SLC8A1: variants seen among roughly 807,000 people sequenced by gnomAD.
SLC8A1 encodes solute carrier family 8 member A1, also known as sodium/calcium exchanger 1.
SLC8A1 carries 18 observed loss-of-function variants against 68.3 expected under a neutral mutation model. That is an observed-to-expected ratio of 0.26 (90% CI 0.18 to 0.39). SLC8A1 has a LOEUF of 0.39. Among genes scored for constraint, SLC8A1 ranks in the 10% least tolerant of loss-of-function variants. SLC8A1 has a pLI of 1.00. For missense variants in SLC8A1, 985 were observed against 1,156.7 expected, an observed-to-expected ratio of 0.85 and a Z score of 2.15; for synonymous variants, 475 against 415.5, an observed-to-expected ratio of 1.14 and a Z score of -1.74.
intron 2 of SLC8A1, among the ~76,000 whole-genome samples, chr2:40,331,171 A>G (rs2076368072): frequency 6.6e-6 from 1 of 152,194 alleles, no homozygotes; most frequent in Non-Finnish European, 1.5e-5. Context: ...ATTTATTGAG[A>G]TAATTCAGTA....
At chr2:40,262,785 T>C (rs1330252122) in intron 2 of SLC8A1, among the ~76,000 whole-genome samples, 5 of 152,128 alleles carry the variant, frequency 3.3e-5, no homozygotes, top group African/African-American at 4.8e-5. Context: ...CTAGGCCAGC[T>C]TGCCCTAAAC....
At position 40,212,281 on chromosome 2, in the gene SLC8A1, A is replaced by ATGTTTTTTTTTTTTTT. The variant is rs371395367; in HGVS notation, c.1809-34427_1809-34426insAAAAAAAAAAAAAACA. Reference sequence around the variant, plus strand: ...AGGTGCTAAACAGAAGAGATGCAATATCTTTTTTTTTTTTTTTTTTCCTGA... The same window carrying ATGTTTTTTTTTTTTTT: ...AGGTGCTAAACAGAAGAGATGCAATATGTTTTTTTTTTTTTTTCTTTTTTTTTTTTTTTTTTCCTGA... On this transcript the variant is annotated intron_variant, in intron 2 of 7. Transcript: ENST00000406785. 5.1e-5 allele frequency among the ~76,000 whole-genome samples: 6 copies of ATGTTTTTTTTTTTTTT among 118,210 alleles called. 2 individuals carry two copies. The highest frequency in any genetic ancestry group is 3.1e-5 in the African/African-American group (1 of 32,260). The allele number at this position is 118,210 out of a possible 152,430, so 77.6% of individuals were successfully genotyped here. A position where few individuals can be genotyped will look rare whatever the true frequency, so the allele number is the denominator to read the frequency against.
At chr2:40,362,327 A>T (rs538219115) in intron 2 of SLC8A1, among the ~76,000 whole-genome samples, 3 of 152,122 alleles carry the variant, frequency 2.0e-5, no homozygotes, top group Non-Finnish European at 4.4e-5. Flanking sequence ...GGGACACAAA[A>T]CCAGTGTTAG....
At chr2:40,403,970 A>AGATAAAC (rs1689548400) in intron 2 of SLC8A1, among the ~76,000 whole-genome samples, 1 of 152,180 alleles carries the variant, frequency 6.6e-6, no homozygotes, top group Non-Finnish European at 1.5e-5. Flanking sequence ...GTAACTTTTC[A>AGATAAAC]TTAACTTAGG....
At chr2:40,120,114 T>A (rs1421713549) in intron 7 of SLC8A1, among the ~76,000 whole-genome samples, 1 of 152,232 alleles carries the variant, frequency 6.6e-6, no homozygotes, top group Non-Finnish European at 1.5e-5. Flanking sequence ...CAAAAAAAGG[T>A]CATTCTCACA....
intron 2 of SLC8A1, among the ~76,000 whole-genome samples, chr2:40,368,791 C>T (rs1677071669): frequency 6.6e-6 from 1 of 151,924 alleles, no homozygotes; most frequent in Admixed American, 6.6e-5. Context: ...TCAAACCATA[C>T]TACAGGGTGA....
intron 1 of SLC8A1, among the ~76,000 whole-genome samples, chr2:40,448,404 C>G (rs1240855839): frequency 6.6e-6 from 1 of 152,198 alleles, no homozygotes; most frequent in Non-Finnish European, 1.5e-5. Flanking sequence ...AAGGCAGACG[C>G]TGAAAGCTCA....
intron 2 of SLC8A1, among the ~76,000 whole-genome samples, chr2:40,269,108 A>G (rs1287311115): frequency 6.6e-6 from 1 of 152,216 alleles, no homozygotes; most frequent in African/African-American, 2.4e-5. Context: ...AAAAGTAGTG[A>G]GTGTTCATAA....
chr2:40,412,616 G>C (rs1179528810), intron 2 of SLC8A1, among the ~76,000 whole-genome samples: 8 of 152,126 alleles, frequency 5.3e-5, no homozygotes, highest in Non-Finnish European at 1.2e-4. Context: ...ACTACTGACT[G>C]TATAGATCAA....
intron 6 of SLC8A1, among the ~76,000 whole-genome samples, chr2:40,158,044 T>C (rs191144118): frequency 4.6e-5 from 7 of 152,342 alleles, no homozygotes. Flanking sequence ...CAAATCCCTA[T>C]TTACAAAATT....
At chr2:40,429,811 C>T (rs1006398648) in exon 2 of SLC8A1, 3 of 1,613,780 alleles carry the variant, frequency 1.9e-6, no homozygotes, top group Non-Finnish European at 2.5e-6. Context: ...GTTATGGCCA[C>T]ACACTTCAAT....
chr2:40,240,047 A>G (rs182698863), intron 2 of SLC8A1, among the ~76,000 whole-genome samples: 28 of 152,346 alleles, frequency 1.8e-4, no homozygotes, highest in African/African-American at 6.5e-4. Flanking sequence ...CTCCAAGTCA[A>G]GAGCCTGGGA....
At chr2:40,307,352 G>A (rs2072847344) in intron 2 of SLC8A1, among the ~76,000 whole-genome samples, 1 of 152,126 alleles carries the variant, frequency 6.6e-6, no homozygotes, top group South Asian at 2.1e-4. Flanking sequence ...AAAATTAATA[G>A]AAAGCAAAAT....
In SLC8A1 at chr2:40,450,881, C is replaced by T. The variant is rs1702335632; in HGVS notation, c.-25+1023G>A. Among the ~76,000 whole-genome samples, 4 of 152,234 alleles carry T rather than the reference C, an allele frequency of 2.6e-5. No homozygotes were observed. The South Asian group carries it at 8.3e-4, about 32-fold the overall frequency. On this transcript the variant is annotated intron_variant, in intron 1 of 7. Transcript: ENST00000406785. The stretch of plus-strand genomic sequence containing the variant: ...TTTGTTAAATTTCATCACCCCTGTT[C>T]TCAACTCAACCACTACCACTTTGGA...
intron 2 of SLC8A1, among the ~76,000 whole-genome samples, chr2:40,196,878 A>G (rs781131844): frequency 2.0e-5 from 3 of 152,010 alleles, no homozygotes; most frequent in Non-Finnish European, 2.9e-5. Flanking sequence ...GTATTTTAAG[A>G]GAGAAATTTT....
intron 2 of SLC8A1, among the ~76,000 whole-genome samples, chr2:40,340,775 G>T (rs986455813): frequency 5.9e-5 from 9 of 152,238 alleles, no homozygotes; most frequent in Middle Eastern, 3.4e-3. Flanking sequence ...GTGAGAGTAA[G>T]GAAAACGGAA....
chr2:40,386,900 A>G (rs932815504), intron 2 of SLC8A1, among the ~76,000 whole-genome samples: 2 of 151,288 alleles, frequency 1.3e-5, no homozygotes, highest in Non-Finnish European at 2.9e-5. Flanking sequence ...GTCTATCTTC[A>G]GTATGTGGTG....
intron 7 of SLC8A1, chr2:40,120,662 T>A (rs1228170556): frequency 2.6e-5 from 4 of 152,224 alleles, no homozygotes; most frequent in African/African-American, 4.8e-5. Context: ...AACTATTTTA[T>A]CATTGTGAAG....
intron 6 of SLC8A1, among the ~76,000 whole-genome samples, chr2:40,142,424 T>G (rs560646026): frequency 6.6e-6 from 1 of 152,314 alleles, no homozygotes; most frequent in East Asian, 1.9e-4. Context: ...TATATTTATT[T>G]TGGATCCTAT....
Sources: gnomAD v4.1 joint callset for allele counts (sites outside exome capture counted in the v4.1 genomes callset) on GRCh38, gnomAD v4.1.1 for gene constraint, MANE v1.5 for transcripts, NCBI Gene and HGNC (gene_info 2026-07-23, HGNC 2026-07-21) for gene names.